The following DGKB variants were observed in gnomAD, a reference collection of about 807,000 sequenced individuals.
DGKB encodes diacylglycerol kinase beta.
DGKB carries 67 observed loss-of-function variants against 114.3 expected under a neutral mutation model. That is an observed-to-expected ratio of 0.59 (90% confidence interval 0.48 to 0.72). The LOEUF (loss-of-function observed/expected upper bound fraction) is 0.72. Ranked by LOEUF, DGKB falls within the 30% of genes least tolerant of loss-of-function variation. The pLI is 0.00. For synonymous variants in DGKB, 398 were observed against 323.1 expected (o/e 1.23, Z -2.49); for missense variants, 907 against 975.2 (o/e 0.93, Z 0.93).
At chr7:14,791,023 G>T (rs996697897) in intron 2 of DGKB, among the ~76,000 whole-genome samples, 4 of 151,990 alleles carry the variant, frequency 2.6e-5, no homozygotes, top group Admixed American at 2.6e-4. Flanking sequence ...AAAGAACGGG[G>T]TCTCACTATG....
chr7:14,645,607 A>G (rs1812804426), intron 13 of DGKB, among the ~76,000 whole-genome samples: 1 of 152,118 alleles, frequency 6.6e-6, no homozygotes, highest in Admixed American at 6.5e-5. Flanking sequence ...ATCAAGTCAC[A>G]TACAAGGGAG....
intron 1 of DGKB, among the ~76,000 whole-genome samples, chr7:14,874,351 T>C (rs578007622): frequency 1.8e-4 from 27 of 152,214 alleles, no homozygotes; most frequent in African/African-American, 6.5e-4. Flanking sequence ...AGTTAGTTGA[T>C]AGCTTAGCAT....
chr7:14,149,787 A>G (rs1198214642), intron 25 of DGKB, among the ~76,000 whole-genome samples: 1 of 152,188 alleles, frequency 6.6e-6, no homozygotes, highest in Non-Finnish European at 1.5e-5. Context: ...CATGCATAAA[A>G]GGTCAGAAAT....
At chr7:14,265,819 A>C (rs1797432444) in intron 23 of DGKB, among the ~76,000 whole-genome samples, 1 of 152,218 alleles carries the variant, frequency 6.6e-6, no homozygotes, top group Non-Finnish European at 1.5e-5. Flanking sequence ...GATTGGGCCA[A>C]GTACTTGTGT....
chr7:14,546,297 G>C (rs1319412115), intron 20 of DGKB, among the ~76,000 whole-genome samples: 1 of 151,620 alleles, frequency 6.6e-6, no homozygotes, highest in Non-Finnish European at 1.5e-5. Context: ...AGAACTTCTT[G>C]ACTTTGCCTG....
intron 21 of DGKB, among the ~76,000 whole-genome samples, chr7:14,355,171 C>A (rs1394914539): frequency 6.6e-6 from 1 of 152,040 alleles, no homozygotes; most frequent in Non-Finnish European, 1.5e-5. Flanking sequence ...CTCTCTTTCT[C>A]CACCAACCCC....
At chr7:14,377,646 A>C (rs1003842161) in intron 21 of DGKB, among the ~76,000 whole-genome samples, 56 of 152,330 alleles carry the variant, frequency 3.7e-4, no homozygotes, top group African/African-American at 1.3e-3. Flanking sequence ...TTGCATATTG[A>C]AACAGTGTAT....
In DGKB at chr7:14,345,288, AT is replaced by A. The variant is rs200364794; in HGVS notation, c.1926+12del. 2.0e-6 allele frequency: 3 copies of A among 1,464,626 alleles called. No homozygotes were observed. The highest frequency in any genetic ancestry group is 1.4e-5 in the African/African-American group (1 of 70,516). The allele number at this position is 1,464,626 out of a possible 1,614,324, so 90.7% of individuals were successfully genotyped here. On this transcript the variant is annotated intron_variant, in intron 22 of 25. Coordinates refer to ENST00000402815, the MANE Select transcript of DGKB (RefSeq NM_001350709.2). ...TTCATCATATTACAAAAGAGAATTC[AT>A]TTTTTTCTTACTTCTATTTCTACAG...
intron 23 of DGKB, among the ~76,000 whole-genome samples, chr7:14,316,460 C>T (rs1481689598): frequency 0.018 from 2,287 of 129,640 alleles, 34 homozygotes; most frequent in Non-Finnish European, 0.025. Context: ...ATATCACCAC[C>T]GATCCCACAG....
intron 2 of DGKB, among the ~76,000 whole-genome samples, chr7:14,834,541 C>G (rs1273448048): frequency 6.6e-6 from 1 of 152,132 alleles, no homozygotes; most frequent in Non-Finnish European, 1.5e-5. Flanking sequence ...TGCTCTCTCT[C>G]TCTCTCTTTC....
intron 2 of DGKB, among the ~76,000 whole-genome samples, chr7:14,836,541 C>G (rs1021353221): frequency 6.6e-6 from 1 of 152,116 alleles, no homozygotes; most frequent in Non-Finnish European, 1.5e-5. Context: ...TTTGCTGTGA[C>G]GTGGAACCAC....
intron 23 of DGKB, among the ~76,000 whole-genome samples, chr7:14,306,815 G>C (rs894220116): frequency 2.0e-5 from 3 of 152,088 alleles, no homozygotes; most frequent in Non-Finnish European, 4.4e-5. Flanking sequence ...CCAATAATTA[G>C]CTAATTTCAT....
At chr7:14,915,145 T>C (rs1379170595) in intron 1 of DGKB, among the ~76,000 whole-genome samples, 2 of 152,008 alleles carry the variant, frequency 1.3e-5, no homozygotes, top group African/African-American at 4.8e-5. Flanking sequence ...GTTGAGAGAA[T>C]TGTTTGAGCT....
At chr7:14,812,246 A>G (rs1371749865) in intron 2 of DGKB, among the ~76,000 whole-genome samples, 1 of 152,142 alleles carries the variant, frequency 6.6e-6, no homozygotes, top group Non-Finnish European at 1.5e-5. Flanking sequence ...GCTGCTTTGA[A>G]CATAATTTCC....
At chr7:14,499,907 A>C (rs765840621) in intron 20 of DGKB, among the ~76,000 whole-genome samples, 1 of 151,834 alleles carries the variant, frequency 6.6e-6, no homozygotes, top group African/African-American at 2.4e-5. Context: ...CCCGTGGCTC[A>C]TCCCAGCGTT....
At chr7:14,313,419 C>T (rs1183431254) in intron 23 of DGKB, among the ~76,000 whole-genome samples, 3 of 152,030 alleles carry the variant, frequency 2.0e-5, no homozygotes, top group Non-Finnish European at 4.4e-5. Context: ...GGTGTGCGCA[C>T]AGTGCGCGAG....
intron 2 of DGKB, among the ~76,000 whole-genome samples, chr7:14,801,946 A>ACACG (rs1483087695): frequency 1.3e-5 from 2 of 151,296 alleles, no homozygotes; most frequent in African/African-American, 4.9e-5. Context: ...ACACACACAC[A>ACACG]CGCACACACA....
chr7:14,902,970 C>G (rs1783361679), upstream of DGKB: 1 of 152,150 alleles, frequency 6.6e-6, no homozygotes, highest in Admixed American at 6.5e-5. Context: ...TTTGGCGTCC[C>G]CCTTCCCCAC....
chr7:14,583,155 T>A lies in DGKB; in HGVS notation c.1434-18A>T. The A allele has an allele frequency of 6.7e-7, 1 of 1,495,196 alleles. No homozygotes were observed. The highest frequency in any genetic ancestry group is 9.3e-7 in the Non-Finnish European group (1 of 1,074,676). 92.6% of individuals were successfully genotyped at this position (1,495,196 alleles called of 1,614,324 possible). ...AGTTTAACCTGAAAAATAAGCATGT[T>A]ATGGCACATGATTAATAGTTTAAAA... On this transcript the variant is annotated intron_variant, in intron 17 of 25. Coordinates refer to ENST00000402815, the MANE Select transcript of DGKB (RefSeq NM_001350709.2).
Sources: gnomAD v4.1 joint callset for allele counts (sites outside exome capture counted in the v4.1 genomes callset) on GRCh38, gnomAD v4.1.1 for gene constraint, MANE v1.5 for transcripts, NCBI Gene and HGNC (gene_info 2026-07-23, HGNC 2026-07-21) for gene names.